ST13: variants seen among roughly 807,000 people sequenced by gnomAD.
ST13 encodes hsc70-interacting protein.
A neutral mutation model predicts 56.7 loss-of-function variants in ST13; 23 were observed. The ratio of observed to expected loss-of-function variants is 0.41; its 90% CI spans 0.29 to 0.57. ST13 has a LOEUF of 0.57. Among genes scored for constraint, ST13 ranks in the 20% least tolerant of loss-of-function variants. The pLI, the probability that ST13 is intolerant of heterozygous loss-of-function variation, is 0.36. For synonymous variants in ST13, 132 were observed against 142.4 expected (o/e 0.93, Z 0.52); for missense variants, 369 against 459.9 (o/e 0.80, Z 1.81).
At chr22:40,834,653 G>A (rs2057769265) in intron 7 of ST13, among the ~76,000 whole-genome samples, 7 of 152,046 alleles carry the variant, frequency 4.6e-5, no homozygotes. Flanking sequence ...CCGCTATAAT[G>A]AACCACGATT....
At chr22:40,850,267 AAAAC>A (rs1180319464) in intron 2 of ST13, among the ~76,000 whole-genome samples, 4 of 152,210 alleles carry the variant, frequency 2.6e-5, no homozygotes, top group South Asian at 2.1e-4. Flanking sequence ...CAGGAAAGAA[AAAAC>A]AAACAAATAA....
intron 1 of ST13, among the ~76,000 whole-genome samples, chr22:40,855,326 G>A (rs1048954364): frequency 2.0e-5 from 3 of 152,142 alleles, no homozygotes; most frequent in Non-Finnish European, 4.4e-5. Context: ...GCTCGATCCC[G>A]CACTGCTAGC....
intron 3 of ST13, among the ~76,000 whole-genome samples, chr22:40,845,913 T>G (rs2057828847): frequency 6.6e-6 from 1 of 152,080 alleles, no homozygotes; most frequent in African/African-American, 2.4e-5. Context: ...ATGTATATGG[T>G]GTACAATGCG....
At chr22:40,849,789 G>C (rs1052104207) in intron 2 of ST13, among the ~76,000 whole-genome samples, 11 of 151,532 alleles carry the variant, frequency 7.3e-5, no homozygotes, top group African/African-American at 2.7e-4. Context: ...TTACCTTTTC[G>C]CATTCTCCTT....
intron 1 of ST13, among the ~76,000 whole-genome samples, chr22:40,852,479 C>T (rs1330506075): frequency 6.6e-6 from 1 of 152,200 alleles, no homozygotes. Flanking sequence ...GTTGCCTTTT[C>T]ACTCCCTTAG....
chr22:40,850,969 C>T, intron 1 of ST13, 89 bp from the exon 2 acceptor site: 1 of 854,990 alleles, frequency 1.2e-6, no homozygotes, highest in Admixed American at 2.7e-5. Flanking sequence ...TAACGTTAGA[C>T]ATTTAGATGA....
In ST13 at chr22:40,856,630, C is replaced by A; in HGVS notation, c.-90G>T. ...GGCGTGACCGCGCAGAAGGGGGCGG[C>A]TGCCGCAAGACAGAACAGACTAGAA... On this transcript the variant is annotated 5_prime_UTR_variant, in exon 1 of 12. Coordinates refer to ENST00000216218, the MANE Select transcript of ST13 (RefSeq NM_003932.5). 1 of 1,029,988 alleles carries A rather than the reference C, an allele frequency of 9.7e-7. No homozygotes were observed. The highest frequency in any genetic ancestry group is 2.4e-5 in the East Asian group (1 of 41,442). The allele number at this position is 1,029,988 out of a possible 1,614,324, so 63.8% of individuals were successfully genotyped here.
chr22:40,844,023 C>T (rs1301466369), intron 4 of ST13, among the ~76,000 whole-genome samples: 1 of 152,002 alleles, frequency 6.6e-6, no homozygotes, highest in Non-Finnish European at 1.5e-5. Flanking sequence ...GCTGGGATTA[C>T]AGGCGTGCAC....
At chr22:40,837,353 C>T (rs2057782607) in intron 5 of ST13, among the ~76,000 whole-genome samples, 4 of 152,134 alleles carry the variant, frequency 2.6e-5, no homozygotes, top group Admixed American at 6.5e-5. Flanking sequence ...CAGTGGCTCA[C>T]GCCTGTAATC....
chr22:40,835,110 A>C (rs919687836), intron 7 of ST13, among the ~76,000 whole-genome samples: 51 of 152,336 alleles, frequency 3.3e-4, no homozygotes, highest in African/African-American at 1.2e-3. Flanking sequence ...CAGTGACTGA[A>C]GTAGTTTCAG....
At chr22:40,840,353 A>T (rs1208950074) in intron 5 of ST13, among the ~76,000 whole-genome samples, 6 of 142,524 alleles carry the variant, frequency 4.2e-5, no homozygotes, top group African/African-American at 5.3e-5. Context: ...TTTTTTTTTT[A>T]AAGCCTTTCA....
chr22:40,828,370 C>T (rs1473138376), intron 10 of ST13, among the ~76,000 whole-genome samples: 1 of 150,810 alleles, frequency 6.6e-6, no homozygotes, highest in Non-Finnish European at 1.5e-5. Flanking sequence ...TTTGGGAGGC[C>T]GAGGCGGGCA....
intron 11 of ST13, 130 bp from the exon 12 acceptor site, chr22:40,826,796 G>C (rs1163377950): frequency 9.3e-7 from 1 of 1,071,372 alleles, no homozygotes; most frequent in Non-Finnish European, 1.3e-6. Flanking sequence ...TTAGATGAGT[G>C]CTTGAAGTAT....
chr22:40,844,699 C>A, intron 4 of ST13, 140 bp downstream of exon 4: 1 of 651,186 alleles, frequency 1.5e-6, no homozygotes, highest in Non-Finnish European at 2.7e-6. Flanking sequence ...TAGTAAAATA[C>A]AATGCTTGCC....
intron 1 of ST13, among the ~76,000 whole-genome samples, chr22:40,854,247 CAGAG>C (rs760532897): frequency 6.6e-6 from 1 of 152,082 alleles, no homozygotes; most frequent in Admixed American, 6.5e-5. Flanking sequence ...CTGATGAAGG[CAGAG>C]AGAGAAACTG....
chr22:40,856,347 C>G, intron 1 of ST13, 84 bp downstream of exon 1: 1 of 1,253,800 alleles, frequency 8.0e-7, no homozygotes. Context: ...CCGCCTCGCC[C>G]GCCGGACCGA....
At chr22:40,850,020 T>C (rs1054000752) in intron 2 of ST13, among the ~76,000 whole-genome samples, 1 of 151,648 alleles carries the variant, frequency 6.6e-6, no homozygotes, top group Non-Finnish European at 1.5e-5. Context: ...TCCCAGCACC[T>C]TGGGAGGCTG....
chr22:40,833,214 CA>C (rs1302046017), intron 7 of ST13, among the ~76,000 whole-genome samples: 3 of 152,166 alleles, frequency 2.0e-5, no homozygotes, highest in Admixed American at 6.5e-5. Flanking sequence ...TTTACATACT[CA>C]AAAAATAAAA....
At position 40,829,629 on chromosome 22, in the gene ST13, GA is replaced by G; in HGVS notation, c.843del (p.Pro282GlnfsTer74). On this transcript the variant is annotated frameshift_variant, in exon 10 of 12. Transcript: ENST00000216218. LOFTEE classifies it high-confidence loss of function. Reference sequence around the variant, plus strand: ...TTTAACTTTTCTTTAAATATACCTGGAAAAGAGCCATACTGAGCTCCTGACT... The same window carrying G: ...TTTAACTTTTCTTTAAATATACCTGGAAAGAGCCATACTGAGCTCCTGACT... ...RRQSGAQYGS[F>X]PGGFPGGMPG... is the part of the protein sequence containing the mutation. The G allele has an allele frequency of 6.9e-7, 1 of 1,455,718 alleles. No individual in the cohort carries two copies. The allele number at this position is 1,455,718 out of a possible 1,614,324, so 90.2% of individuals were successfully genotyped here.
Sources: allele counts gnomAD v4.1 joint callset (sites outside exome capture counted in the v4.1 genomes callset), GRCh38; gene constraint gnomAD v4.1.1; transcripts MANE v1.5; gene names NCBI Gene and HGNC (gene_info 2026-07-23, HGNC 2026-07-21).